The following ACTL8 variants were observed in gnomAD, a reference collection of about 807,000 sequenced individuals.
The protein encoded by ACTL8 is actin-like protein 8.
ACTL8 carries 3 observed loss-of-function variants against 9.3 expected under a neutral mutation model. That is an observed-to-expected ratio of 0.32 (90% confidence interval 0.15 to 0.83). The LOEUF is 0.83. ACTL8 is among the 40% of genes least tolerant of loss of function. The pLI is 0.57. For missense variants in ACTL8, 381 were observed against 492.2 expected, an observed-to-expected ratio of 0.77 and a Z score of 2.14; for synonymous variants, 224 against 205.9, an observed-to-expected ratio of 1.09 and a Z score of -0.75.
Position 17,825,655 on chromosome 1 carries a change from A to G in ACTL8, c.349-112A>G, listed in dbSNP as rs2053708957. On this transcript the variant is annotated intron_variant, in intron 2 of 2. Transcript: ENST00000375406. ...AAGCTCCAGGGGCCCTGGGCGCAGC[A>G]TCCTGGGGCAGCCCGAGAGTCCCCC... 5 of 1,394,590 alleles carry G rather than the reference A, an allele frequency of 3.6e-6. No homozygotes were observed. In the East Asian group the frequency reaches 1.2e-4, roughly 34 times the overall value. 86.4% of individuals were successfully genotyped at this position (1,394,590 alleles called of 1,614,324 possible). A position where few individuals can be genotyped will look rare whatever the true frequency, so the allele number is the denominator to read the frequency against.
intron 1 of ACTL8, among the ~76,000 whole-genome samples, chr1:17,761,601 C>T (rs1211663737): frequency 1.3e-5 from 2 of 151,798 alleles, no homozygotes; most frequent in South Asian, 2.1e-4. Flanking sequence ...GACTGAGTCT[C>T]GCTGTTTCAC....
At chr1:17,763,297 C>T (rs759903290) in intron 1 of ACTL8, among the ~76,000 whole-genome samples, 5 of 152,052 alleles carry the variant, frequency 3.3e-5, no homozygotes, top group Admixed American at 6.6e-5. Flanking sequence ...GTGTTGGCCC[C>T]GAGCTGGCCC....
chr1:17,819,470 C>G (rs993071039), intron 1 of ACTL8, among the ~76,000 whole-genome samples: 4 of 152,328 alleles, frequency 2.6e-5, no homozygotes, highest in Admixed American at 6.5e-5. Flanking sequence ...CTGGCCAGGG[C>G]CAGGCCATGG....
intron 1 of ACTL8, among the ~76,000 whole-genome samples, chr1:17,820,041 C>T (rs1382891117): frequency 6.6e-6 from 1 of 152,084 alleles, no homozygotes; most frequent in African/African-American, 2.4e-5. Context: ...TAAAAGTTTA[C>T]TCTAAAAATA....
chr1:17,824,077 G>T (rs369205740), intron 2 of ACTL8, among the ~76,000 whole-genome samples: 18 of 152,234 alleles, frequency 1.2e-4, no homozygotes, highest in Middle Eastern at 6.8e-3. Flanking sequence ...TGAAGAGAGC[G>T]CTCAGGAAGG....
At chr1:17,758,795 G>A (rs1604625) in intron 1 of ACTL8, among the ~76,000 whole-genome samples, 32,819 of 152,118 alleles carry the variant, frequency 0.22, 4,005 homozygotes, top group Admixed American at 0.34. Flanking sequence ...TGCCCACCCC[G>A]AAGTTATTTT....
chr1:17,790,295 T>G (rs2066230386), intron 1 of ACTL8, among the ~76,000 whole-genome samples: 1 of 152,244 alleles, frequency 6.6e-6, no homozygotes. Flanking sequence ...TCTCTTCTTC[T>G]CTTCACCTGC....
At position 17,823,136 on chromosome 1, in the gene ACTL8, G is replaced by T. The variant is rs1314782259; in HGVS notation, c.128G>T (p.Gly43Val). The T allele has an allele frequency of 6.2e-7, 1 of 1,614,190 alleles. No homozygotes were observed. Among genetic ancestry groups the T allele is most frequent in the Admixed American group, 1.7e-5 (1 of 60,030 alleles). Residue 43 changes from glycine (G) to valine (V), a missense_variant, in exon 2 of 3, where the codon GGC (glycine) becomes GTC (valine). Coordinates refer to ENST00000375406, the MANE Select transcript of ACTL8 (RefSeq NM_030812.3). The surrounding 1 kb of genome is among the most constrained non-coding windows in gnomAD (Gnocchi z 5.3). ...TACCTACCGTGCAAGGAGAACCCTG[G>T]CCCCAGCTATGCCCGTAGGCGTGTG... The part of the protein sequence containing the change: ...VNYLPCKENP[G>V]PSYARRRVSL...
At position 17,767,846 on chromosome 1, in the gene ACTL8, C is replaced by T. The variant is rs1455569295; in HGVS notation, c.-25+12342C>T. Among the ~76,000 whole-genome samples the T allele has an allele frequency of 6.6e-6, 1 of 152,122 alleles. No homozygotes were observed. Among genetic ancestry groups the T allele is most frequent in the African/African-American group, 2.4e-5 (1 of 41,414 alleles). On this transcript the variant is annotated intron_variant, in intron 1 of 2. Coordinates refer to ENST00000375406, the MANE Select transcript of ACTL8 (RefSeq NM_030812.3). The surrounding 1 kb of genome is among the most constrained non-coding windows in gnomAD (Gnocchi z 4.7). ...TGCTGACACGGGAGGAATGACACTG[C>T]GTTACTCAAGCAGGTGGCAGTGTGG...
chr1:17,771,852 A>G (rs1212571818), intron 1 of ACTL8, among the ~76,000 whole-genome samples: 1 of 152,130 alleles, frequency 6.6e-6, no homozygotes, highest in Non-Finnish European at 1.5e-5. Context: ...TTCTTGCAGC[A>G]CCATCAAGGC....
intron 1 of ACTL8, among the ~76,000 whole-genome samples, chr1:17,770,929 C>G (rs11203460): frequency 2.6e-5 from 4 of 151,958 alleles, no homozygotes; most frequent in Non-Finnish European, 5.9e-5. Context: ...CTGGCTTCAC[C>G]GCTGTGAGGC....
intron 1 of ACTL8, among the ~76,000 whole-genome samples, chr1:17,806,906 G>A (rs1391004791): frequency 1.3e-5 from 2 of 152,178 alleles, no homozygotes; most frequent in African/African-American, 4.8e-5. Context: ...CAGAAGCACG[G>A]GATGCGTCCC....
chr1:17,794,230 G>A (rs1452862633), intron 1 of ACTL8, among the ~76,000 whole-genome samples: 1 of 152,184 alleles, frequency 6.6e-6, no homozygotes, highest in East Asian at 1.9e-4. Context: ...CTTTTAGCCC[G>A]TGGTTAAGAG....
intron 1 of ACTL8, among the ~76,000 whole-genome samples, chr1:17,777,511 G>A (rs1010187226): frequency 1.2e-4 from 19 of 152,182 alleles, no homozygotes; most frequent in African/African-American, 4.6e-4. Flanking sequence ...TAGCAGGTGT[G>A]AGACGGGGTG....
intron 1 of ACTL8, among the ~76,000 whole-genome samples, chr1:17,763,516 C>T (rs1022675459): frequency 3.9e-5 from 6 of 152,168 alleles, no homozygotes; most frequent in African/African-American, 1.4e-4. Flanking sequence ...CTGCGGGACC[C>T]TCGGCCCCTC....
At chr1:17,800,665 G>A (rs763038428) in intron 1 of ACTL8, among the ~76,000 whole-genome samples, 24 of 139,364 alleles carry the variant, frequency 1.7e-4, no homozygotes, top group Non-Finnish European at 2.3e-4. Context: ...GCGTGATCTC[G>A]GCTCACCACA....
chr1:17,801,116 T>C (rs991348466), intron 1 of ACTL8, among the ~76,000 whole-genome samples: 3 of 152,248 alleles, frequency 2.0e-5, no homozygotes, highest in Non-Finnish European at 4.4e-5. Context: ...AAAGTACTTA[T>C]AAAGCTCTGT....
At chr1:17,809,106 C>T (rs911575487) in intron 1 of ACTL8, among the ~76,000 whole-genome samples, 2 of 152,138 alleles carry the variant, frequency 1.3e-5, no homozygotes, top group Non-Finnish European at 2.9e-5. Flanking sequence ...ATTCATTCAA[C>T]ACAAACTGAT....
rs528114381 is a variant in ACTL8, at chr1:17,791,101, G to C, written c.-24-31884G>C. Among the ~76,000 whole-genome samples the C allele has an allele frequency of 9.9e-5, 15 of 152,262 alleles. No individual in the cohort carries two copies. The East Asian group carries it at 2.3e-3, about 24-fold the overall frequency. On this transcript the variant is annotated intron_variant, in intron 1 of 2. Transcript: ENST00000375406. ...GGTGGCTGCAGCTGTGCCTGGCAGG[G>C]GGTGGGGCCGGGCTCCTGCCTACTC...
Sources: allele counts gnomAD v4.1 joint callset (sites outside exome capture counted in the v4.1 genomes callset), GRCh38; gene constraint gnomAD v4.1.1; non-coding constraint Gnocchi (gnomAD v3.1); transcripts MANE v1.5; gene names NCBI Gene and HGNC (gene_info 2026-07-23, HGNC 2026-07-21).